The following EML4 variants were observed in gnomAD, a reference collection of about 807,000 sequenced individuals.
EML4 encodes EMAP like 4, also known as echinoderm microtubule-associated protein-like 4.
Under a neutral mutation model 129.0 loss-of-function variants are expected in EML4, and 72 were observed. That is an observed-to-expected ratio of 0.56 (90% CI 0.46 to 0.68). The LOEUF (loss-of-function observed/expected upper bound fraction) is 0.68. Among genes scored for constraint, EML4 ranks in the 30% least tolerant of loss-of-function variants. The probability of loss-of-function intolerance (pLI) is 0.00; values close to 1 mark genes in which losing one functional copy is unlikely to be tolerated. For synonymous variants in EML4, 532 were observed against 405.0 expected, an observed-to-expected ratio of 1.31 and a Z score of -3.77; for missense variants, 1,363 against 1,190.6, an observed-to-expected ratio of 1.14 and a Z score of -2.13.
chr2:42,191,748 C>T (rs1272620650), intron 1 of EML4, among the ~76,000 whole-genome samples: 1 of 152,218 alleles, frequency 6.6e-6, no homozygotes. Flanking sequence ...TTATCACCAC[C>T]TCAAACTGAA....
In EML4 at chr2:42,261,191, C is replaced by G; in HGVS notation, c.409C>G (p.Gln137Glu). Residue 137 changes from glutamine (Q) to glutamate (E), a missense_variant, in exon 4 of 23, where the codon CAA becomes GAA. By Grantham distance (29) the Gln-to-Glu change is conservative. Coordinates refer to ENST00000318522, the MANE Select transcript of EML4 (RefSeq NM_019063.5). ...EKKEESHSND[Q>E]SPQIRASPSP... ...AAAAGAGGAATCTCATTCTAATGAT[C>G]AAAGTCCACAAATTCGAGCATCACC... The G allele has an allele frequency of 3.7e-6, 6 of 1,613,800 alleles. No individual in the cohort carries two copies. The highest frequency in any genetic ancestry group is 1.7e-5 in the Admixed American group (1 of 60,002).
chr2:42,288,177 G>A (rs1667417759), intron 10 of EML4, 50 bp from the exon 11 acceptor site: 1 of 775,450 alleles, frequency 1.3e-6, no homozygotes, highest in Non-Finnish European at 2.1e-6. Flanking sequence ...TTCTTAGAAT[G>A]TTAGCCCTAT....
chr2:42,202,665 T>G (rs767190925), intron 1 of EML4, among the ~76,000 whole-genome samples: 2 of 152,116 alleles, frequency 1.3e-5, no homozygotes, highest in Non-Finnish European at 2.9e-5. Context: ...GTCTAGTCTT[T>G]CCATGTTCTT....
chr2:42,215,730 C>G (rs940277492), intron 1 of EML4, among the ~76,000 whole-genome samples: 9 of 152,128 alleles, frequency 5.9e-5, no homozygotes, highest in African/African-American at 2.2e-4. Flanking sequence ...CCAATCCAAA[C>G]CTTAAAGGAC....
intron 6 of EML4, among the ~76,000 whole-genome samples, chr2:42,265,541 G>A (rs1229044432): frequency 2.6e-5 from 4 of 152,186 alleles, no homozygotes; most frequent in East Asian, 3.9e-4. Context: ...CACTTGGCCC[G>A]GCTGCATTTT....
At position 42,232,966 on chromosome 2, in the gene EML4, C is replaced by T. The variant is rs370045615; in HGVS notation, c.26-12539C>T. Among the ~76,000 whole-genome samples the T allele has an allele frequency of 7.9e-5, 12 of 152,276 alleles. No homozygotes were observed. The East Asian group carries it at 9.7e-4, about 12-fold the overall frequency. On this transcript the variant is annotated intron_variant, in intron 1 of 22. Transcript: ENST00000318522. ...GGTCTCCATCTGACCTCGTGATCCCCCTGCCTCACCCGCCCAAAGTGCTGG... is the reference window on the plus strand; with the variant it reads ...GGTCTCCATCTGACCTCGTGATCCCTCTGCCTCACCCGCCCAAAGTGCTGG...
intron 6 of EML4, among the ~76,000 whole-genome samples, chr2:42,280,080 C>T (rs189060695): frequency 6.6e-6 from 1 of 151,942 alleles, no homozygotes; most frequent in Non-Finnish European, 1.5e-5. Flanking sequence ...TTGATTGTTT[C>T]CTGGCATAAG....
At chr2:42,314,848 C>T (rs190216427) in intron 17 of EML4, among the ~76,000 whole-genome samples, 1 of 152,310 alleles carries the variant, frequency 6.6e-6, no homozygotes, top group East Asian at 1.9e-4. Flanking sequence ...AGTACCCATC[C>T]TTTCCTTCAA....
chr2:42,178,666 A>G (rs1009256227), intron 1 of EML4, among the ~76,000 whole-genome samples: 2 of 152,142 alleles, frequency 1.3e-5, no homozygotes, highest in Admixed American at 6.5e-5. Context: ...AGGATTTACC[A>G]TATTGCTGTA....
chr2:42,251,979 A>G (rs1023543709), intron 2 of EML4, among the ~76,000 whole-genome samples: 8 of 152,260 alleles, frequency 5.3e-5, no homozygotes, highest in Non-Finnish European at 8.8e-5. Context: ...CAATTTACAA[A>G]TCAATAAATT....
rs370569037 is a variant in EML4 at position 42,247,924 on chromosome 2, A to G, written c.208+2237A>G. On this transcript the variant is annotated intron_variant, in intron 2 of 22. Coordinates refer to ENST00000318522, the MANE Select transcript of EML4 (RefSeq NM_019063.5). ...GGTACATATAAGTATTTTAAAACCT[A>G]TAATAGAAAATGATAACGATGTTTG... 5.9e-5 allele frequency among the ~76,000 whole-genome samples: 9 copies of G among 152,156 alleles called. No homozygotes were observed. In the East Asian group the frequency reaches 9.6e-4, roughly 16 times the overall value.
intron 1 of EML4, 134 bp from the exon 2 acceptor site, chr2:42,245,371 C>A: frequency 2.6e-6 from 2 of 765,312 alleles, no homozygotes; most frequent in Non-Finnish European, 4.1e-6. Flanking sequence ...TCTGGAAGTA[C>A]AGGCACGAGC....
At chr2:42,204,654 C>T (rs1409335391) in intron 1 of EML4, among the ~76,000 whole-genome samples, 1 of 152,152 alleles carries the variant, frequency 6.6e-6, no homozygotes, top group Non-Finnish European at 1.5e-5. Flanking sequence ...TCTTACCATA[C>T]AACTAAGGGA....
intron 3 of EML4, among the ~76,000 whole-genome samples, chr2:42,257,590 CT>C (rs1466739636): frequency 6.6e-6 from 1 of 152,192 alleles, no homozygotes; most frequent in Non-Finnish European, 1.5e-5. Flanking sequence ...AATCCCAGCA[CT>C]TTGGGAGGCT....
intron 19 of EML4, 65 bp downstream of exon 19, chr2:42,317,589 T>G: frequency 9.1e-7 from 1 of 1,095,970 alleles, no homozygotes. Context: ...AAAAACAAAT[T>G]TTTACATCGA....
At chr2:42,191,080 A>G (rs377384139) in intron 1 of EML4, among the ~76,000 whole-genome samples, 44 of 152,340 alleles carry the variant, frequency 2.9e-4, no homozygotes, top group Non-Finnish European at 4.9e-4. Flanking sequence ...ATATATGTGC[A>G]TACTTTTTAA....
At chr2:42,201,909 C>G (rs1407782143) in intron 1 of EML4, among the ~76,000 whole-genome samples, 1 of 152,096 alleles carries the variant, frequency 6.6e-6, no homozygotes, top group Non-Finnish European at 1.5e-5. Flanking sequence ...TGGTGAAACC[C>G]CATCTCTACT....
At chr2:42,206,950 C>T (rs948062272) in intron 1 of EML4, among the ~76,000 whole-genome samples, 5 of 152,026 alleles carry the variant, frequency 3.3e-5, no homozygotes, top group Non-Finnish European at 5.9e-5. Context: ...ATTTAAATAC[C>T]TTTTGGTTGG....
At chr2:42,246,601 A>G (rs1339694435) in intron 2 of EML4, among the ~76,000 whole-genome samples, 2 of 152,236 alleles carry the variant, frequency 1.3e-5, no homozygotes, top group African/African-American at 2.4e-5. Flanking sequence ...TTTAGGGTGT[A>G]TATGGTATGT....
Sources: gnomAD v4.1 joint callset for allele counts (sites outside exome capture counted in the v4.1 genomes callset) on GRCh38, gnomAD v4.1.1 for gene constraint, MANE v1.5 for transcripts, NCBI Gene and HGNC (gene_info 2026-07-23, HGNC 2026-07-21) for gene names.